Variants in KCNIP3 observed in about 807,000 individuals in gnomAD.
The protein encoded by KCNIP3 is potassium voltage-gated channel interacting protein 3, also known as calsenilin.
A neutral mutation model predicts 35.0 loss-of-function variants in KCNIP3; 28 were observed. The ratio of observed to expected loss-of-function variants is 0.80; its 90% CI spans 0.59 to 1.10. The LOEUF (loss-of-function observed/expected upper bound fraction) is 1.10, where lower values mean the gene tolerates loss of function less well. Among genes scored for constraint, KCNIP3 ranks in the 50% least tolerant of loss-of-function variants. The pLI is 0.00. For missense variants in KCNIP3, 295 were observed against 338.4 expected (o/e 0.87, Z 1.01); for synonymous variants, 134 against 133.8 (o/e 1.00, Z -0.01).
At chr2:95,309,553 A>G (rs1239780602) in intron 1 of KCNIP3, among the ~76,000 whole-genome samples, 1 of 151,650 alleles carries the variant, frequency 6.6e-6, no homozygotes, top group East Asian at 1.9e-4. Flanking sequence ...CCTCCTGAGT[A>G]GCTGGGATTA....
chr2:95,307,569 C>T (rs1321912446), intron 1 of KCNIP3, among the ~76,000 whole-genome samples: 3 of 152,252 alleles, frequency 2.0e-5, no homozygotes, highest in Non-Finnish European at 4.4e-5. Flanking sequence ...GGGAGGTGCT[C>T]AGCCTGCCCT....
At chr2:95,342,742 T>G (rs1679223685) in intron 2 of KCNIP3, among the ~76,000 whole-genome samples, 2 of 152,182 alleles carry the variant, frequency 1.3e-5, no homozygotes, top group African/African-American at 4.8e-5. Flanking sequence ...GCCAGTCTCA[T>G]GGAGGACTCT....
chr2:95,353,721 G>A (rs1481420921), intron 2 of KCNIP3, among the ~76,000 whole-genome samples: 1 of 152,168 alleles, frequency 6.6e-6, no homozygotes, highest in Non-Finnish European at 1.5e-5. Context: ...GTGCTGTTGC[G>A]AGGCTGATGC....
intron 2 of KCNIP3, among the ~76,000 whole-genome samples, chr2:95,358,925 G>C (rs1461551857): frequency 6.6e-6 from 1 of 152,174 alleles, no homozygotes; most frequent in Non-Finnish European, 1.5e-5. Context: ...TTGAGATCAG[G>C]AGTTGGACAC....
chr2:95,352,211 G>A (rs1183710443), intron 2 of KCNIP3, among the ~76,000 whole-genome samples: 2 of 152,130 alleles, frequency 1.3e-5, no homozygotes, highest in African/African-American at 2.4e-5. Context: ...CCAAGATCAC[G>A]CCACTGCACT....
intron 1 of KCNIP3, among the ~76,000 whole-genome samples, chr2:95,307,697 C>T (rs1376609019): frequency 1.3e-5 from 2 of 152,206 alleles, no homozygotes; most frequent in African/African-American, 4.8e-5. Flanking sequence ...CTGTGACTAA[C>T]CCTGGGCCCC....
At chr2:95,349,818 CCTTG>C (rs1679467033) in intron 2 of KCNIP3, among the ~76,000 whole-genome samples, 1 of 152,234 alleles carries the variant, frequency 6.6e-6, no homozygotes, top group South Asian at 2.1e-4. Context: ...CATCCACGAG[CCTTG>C]CTTCGGCAAG....
chr2:95,323,890 GTA>G (rs1678656647), intron 2 of KCNIP3, among the ~76,000 whole-genome samples: 1 of 152,206 alleles, frequency 6.6e-6, no homozygotes, highest in South Asian at 2.1e-4. Context: ...CTGTCCTCCT[GTA>G]TGGATGAGGG....
intron 2 of KCNIP3, among the ~76,000 whole-genome samples, chr2:95,344,956 T>G (rs1352276110): frequency 6.6e-6 from 1 of 152,194 alleles, no homozygotes; most frequent in Non-Finnish European, 1.5e-5. Context: ...GTGTGTAAAT[T>G]ACATTGCAGG....
At chr2:95,328,420 G>A (rs1276995206) in intron 2 of KCNIP3, among the ~76,000 whole-genome samples, 1 of 152,268 alleles carries the variant, frequency 6.6e-6, no homozygotes, top group African/African-American at 2.4e-5. Context: ...CAGAGAGGCT[G>A]TGGGCTCTGT....
chr2:95,374,459 C>A (rs371744386), intron 3 of KCNIP3, 39 bp downstream of exon 3: 680 of 1,606,008 alleles, frequency 4.2e-4, no homozygotes, highest in Non-Finnish European at 5.6e-4. Flanking sequence ...GCCTTGGAGA[C>A]CCTGGCTCAG....
chr2:95,308,240 C>T (rs1678227103), intron 1 of KCNIP3, among the ~76,000 whole-genome samples: 1 of 152,242 alleles, frequency 6.6e-6, no homozygotes, highest in South Asian at 2.1e-4. Context: ...TGGTCAGTGC[C>T]TCTTCTTGCT....
chr2:95,307,965 C>T (rs560787656), intron 1 of KCNIP3, among the ~76,000 whole-genome samples: 11 of 152,228 alleles, frequency 7.2e-5, no homozygotes, highest in Non-Finnish European at 8.8e-5. Context: ...GGAGAAAGTG[C>T]GTTTCTGACC....
intron 5 of KCNIP3, among the ~76,000 whole-genome samples, chr2:95,379,901 T>C (rs1680294449): frequency 1.3e-5 from 2 of 152,258 alleles, no homozygotes; most frequent in African/African-American, 4.8e-5. Flanking sequence ...TGCTTGCAGC[T>C]AAACTGCAGG....
intron 2 of KCNIP3, among the ~76,000 whole-genome samples, chr2:95,319,551 C>T (rs1678536716): frequency 6.6e-6 from 1 of 152,170 alleles, no homozygotes; most frequent in Non-Finnish European, 1.5e-5. Context: ...ACCCTCCAAG[C>T]TGGGTGCTCC....
chr2:95,347,362 A>C, intron 2 of KCNIP3, among the ~76,000 whole-genome samples: 1 of 152,146 alleles, frequency 6.6e-6, no homozygotes, highest in East Asian at 1.9e-4. Context: ...TGACACCTTG[A>C]GCGGACAGCT....
chr2:95,372,125 G>A (rs1361893097), intron 2 of KCNIP3, among the ~76,000 whole-genome samples: 1 of 152,122 alleles, frequency 6.6e-6, no homozygotes, highest in South Asian at 2.1e-4. Flanking sequence ...TTTGTATTAG[G>A]AGTATCCCTC....
chr2:95,332,115 G>A (rs1410101335), intron 2 of KCNIP3, among the ~76,000 whole-genome samples: 1 of 152,204 alleles, frequency 6.6e-6, no homozygotes, highest in East Asian at 1.9e-4. Flanking sequence ...CATTCAGACA[G>A]AGAGAGGAGG....
At chr2:95,301,285 C>T (rs972082089) in intron 1 of KCNIP3, among the ~76,000 whole-genome samples, 2 of 152,268 alleles carry the variant, frequency 1.3e-5, no homozygotes, top group Non-Finnish European at 2.9e-5. Flanking sequence ...CCACTGCCAG[C>T]AGTGCCCCAC....
Sources: allele counts gnomAD v4.1 joint callset (sites outside exome capture counted in the v4.1 genomes callset), GRCh38; gene constraint gnomAD v4.1.1; transcripts MANE v1.5; gene names NCBI Gene and HGNC (gene_info 2026-07-23, HGNC 2026-07-21).